The following FAM184A variants were observed in gnomAD, a reference collection of about 807,000 sequenced individuals.
FAM184A encodes the protein family with sequence similarity 184 member A.
FAM184A carries 99 observed loss-of-function variants against 143.8 expected under a neutral mutation model. The ratio of observed to expected loss-of-function variants is 0.69; its 90% CI spans 0.58 to 0.81. The LOEUF (loss-of-function observed/expected upper bound fraction) is 0.81. FAM184A is among the 40% of genes least tolerant of loss of function. The pLI, the probability that FAM184A is intolerant of heterozygous loss-of-function variation, is 0.00. For missense variants in FAM184A, 1,217 were observed against 1,310.5 expected (o/e 0.93, Z 1.10); for synonymous variants, 427 against 446.4 (o/e 0.96, Z 0.55).
At chr6:118,979,182 T>C (rs1783942544) in intron 11 of FAM184A, among the ~76,000 whole-genome samples, 183 bp downstream of exon 11, 1 of 152,184 alleles carries the variant, frequency 6.6e-6, no homozygotes. Flanking sequence ...CTGAGGGGAA[T>C]TCACTTTACT....
Position 119,050,704 on chromosome 6 carries a change from T to C in FAM184A, c.160-25891A>G, listed in dbSNP as rs1265058901. 3.3e-5 allele frequency among the ~76,000 whole-genome samples: 5 copies of C among 151,486 alleles called. No individual in the cohort carries two copies. The East Asian group carries it at 5.8e-4, about 18-fold the overall frequency. ...GCTGTAGTCCCAGCTACTCGGGAGG[T>C]TGAGGCAGGAGAATGGCGTGAACCC... On this transcript the variant is annotated intron_variant, in intron 1 of 17. Transcript: ENST00000338891.
intron 16 of FAM184A, 31 bp from the exon 17 acceptor site, chr6:118,961,994 T>G: frequency 6.3e-7 from 1 of 1,582,520 alleles, no homozygotes; most frequent in Non-Finnish European, 8.7e-7. Flanking sequence ...GTGAGGATAG[T>G]CCCTGCATGA....
At chr6:119,005,913 A>C (rs373922976) in intron 7 of FAM184A, 1 of 539,362 alleles carries the variant, frequency 1.9e-6, no homozygotes, top group East Asian at 2.8e-5. Flanking sequence ...TCTACCTCTT[A>C]CTAGTAAAAG....
At chr6:119,126,098 G>A (rs1418143772) in intron 1 of FAM184A, among the ~76,000 whole-genome samples, 3 of 152,164 alleles carry the variant, frequency 2.0e-5, no homozygotes. Context: ...GAGGCTTGGG[G>A]TCATCCAAAG....
At chr6:119,093,730 A>G (rs1263681879) in intron 1 of FAM184A, among the ~76,000 whole-genome samples, 2 of 152,148 alleles carry the variant, frequency 1.3e-5, no homozygotes, top group Non-Finnish European at 2.9e-5. Flanking sequence ...AGCAAGAGGC[A>G]GGAGACTGGT....
chr6:118,964,802 A>G lies in FAM184A; in HGVS notation c.3034-31T>C, dbSNP rs542078881. 3.5e-6 allele frequency: 4 copies of G among 1,154,874 alleles called. No individual in the cohort carries two copies. In the South Asian group the frequency reaches 5.4e-5, roughly 15 times the overall value. 71.5% of individuals were successfully genotyped at this position (1,154,874 alleles called of 1,614,324 possible). On this transcript the variant is annotated intron_variant, in intron 15 of 17. Coordinates refer to ENST00000338891, the MANE Select transcript of FAM184A (RefSeq NM_024581.6). ...CAAAAGAATTATAAACATCTTTTAAATATTTTCTATGGAATATTTTAAAAA... is the reference window on the plus strand; with the variant it reads ...CAAAAGAATTATAAACATCTTTTAAGTATTTTCTATGGAATATTTTAAAAA...
At chr6:119,010,242 T>G (rs189454424) in intron 6 of FAM184A, among the ~76,000 whole-genome samples, 45 of 152,326 alleles carry the variant, frequency 3.0e-4, no homozygotes, top group African/African-American at 1.1e-3. Flanking sequence ...TTAGGTTAAA[T>G]ACACAAAAAA....
chr6:119,134,796 C>T (rs1030690374), intron 1 of FAM184A, among the ~76,000 whole-genome samples: 1 of 152,142 alleles, frequency 6.6e-6, no homozygotes, highest in Non-Finnish European at 1.5e-5. Flanking sequence ...GTCCTCCATC[C>T]TCTTGACATC....
rs1258721004 is a variant in FAM184A, at chr6:119,005,830, G to A, written c.1815+617C>T. ...TAAATCTTTGCTGTGCTTCATAAGA[G>A]TGGAAGAAAAAAGGCAGAGTCTTTC... On this transcript the variant is annotated intron_variant, in intron 7 of 17. Coordinates refer to ENST00000338891, the MANE Select transcript of FAM184A (RefSeq NM_024581.6). 5 of 428,550 alleles carry A rather than the reference G, an allele frequency of 1.2e-5. No individual in the cohort carries two copies. In the South Asian group the frequency reaches 1.8e-4, roughly 15 times the overall value. 26.5% of individuals were successfully genotyped at this position (428,550 alleles called of 1,614,324 possible).
rs35616401 is a variant in FAM184A at position 119,011,741 on chromosome 6, CT to C, written c.1531-311del. Among the ~76,000 whole-genome samples, 37 of 152,092 alleles carry C rather than the reference CT, an allele frequency of 2.4e-4. 1 individual carries two copies. In the East Asian group the frequency reaches 2.5e-3, roughly 10 times the overall value. On this transcript the variant is annotated intron_variant, in intron 5 of 17. Coordinates refer to ENST00000338891, the MANE Select transcript of FAM184A (RefSeq NM_024581.6). ...CTAATTACCTCTTGAATTCAAAATT[CT>C]TTTTTTCCCTCAAATTCTTTTATGT...
At chr6:119,110,902 G>T (rs994423877) in intron 1 of FAM184A, among the ~76,000 whole-genome samples, 4 of 152,138 alleles carry the variant, frequency 2.6e-5, no homozygotes, top group Non-Finnish European at 5.9e-5. Flanking sequence ...CCAGACATTG[G>T]GTCTAGTTCA....
chr6:118,962,634 TA>T (rs1783371299), intron 16 of FAM184A: 1 of 152,200 alleles, frequency 6.6e-6, no homozygotes, highest in African/African-American at 2.4e-5. Flanking sequence ...AATTGGCTCA[TA>T]TTTTTTAAAC....
At chr6:119,076,382 G>A (rs565964530) in intron 1 of FAM184A, among the ~76,000 whole-genome samples, 3 of 152,268 alleles carry the variant, frequency 2.0e-5, no homozygotes, top group East Asian at 1.9e-4. Flanking sequence ...GCATTCAAGC[G>A]GTGTTGAGAG....
chr6:118,986,464 A>T (rs1784199919), intron 9 of FAM184A, among the ~76,000 whole-genome samples: 1 of 152,218 alleles, frequency 6.6e-6, no homozygotes, highest in African/African-American at 2.4e-5. Context: ...CCATGTACAG[A>T]GGGAGTGGGC....
At chr6:119,021,527 T>C (rs1785448438) in intron 3 of FAM184A, among the ~76,000 whole-genome samples, 1 of 152,176 alleles carries the variant, frequency 6.6e-6, no homozygotes. Context: ...TGAGACCTCA[T>C]CTTTAAAAAA....
At chr6:119,034,039 T>TAGAGAGAGAG (rs1429011983) in intron 1 of FAM184A, among the ~76,000 whole-genome samples, 4 of 30,276 alleles carry the variant, frequency 1.3e-4, no homozygotes, top group African/African-American at 4.6e-4. Context: ...TATATATATA[T>TAGAGAGAGAG]ATAGAGAGAG....
intron 1 of FAM184A, among the ~76,000 whole-genome samples, chr6:119,026,689 G>A (rs752028977): frequency 4.6e-5 from 7 of 151,982 alleles, no homozygotes; most frequent in Non-Finnish European, 8.8e-5. Flanking sequence ...TCATAAGACT[G>A]ACAAAACAGA....
chr6:118,976,177 TAAACTATGA>T lies in FAM184A; in HGVS notation c.2456-142_2456-134del, dbSNP rs2114570727. The T allele has an allele frequency of 3.7e-6, 3 of 804,686 alleles. No individual in the cohort carries two copies. In the African/African-American group the frequency reaches 5.3e-5, roughly 14 times the overall value. 49.8% of individuals were successfully genotyped at this position (804,686 alleles called of 1,614,324 possible). A position where few individuals can be genotyped will look rare whatever the true frequency, so the allele number is the denominator to read the frequency against. ...GTATGTCCATTAAATTAATAGATTA[TAAACTATGA>T]CAAATTTAAATATTACAGACTACAA... On this transcript the variant is annotated intron_variant, in intron 11 of 17. Transcript: ENST00000338891.
intron 1 of FAM184A, among the ~76,000 whole-genome samples, chr6:119,145,663 C>T (rs1772401652): frequency 6.6e-6 from 1 of 152,230 alleles, no homozygotes; most frequent in African/African-American, 2.4e-5. Context: ...ATTTCAACCA[C>T]ATTCCTCTCC....
Sources: gnomAD v4.1 joint callset for allele counts (sites outside exome capture counted in the v4.1 genomes callset) on GRCh38, gnomAD v4.1.1 for gene constraint, MANE v1.5 for transcripts, NCBI Gene and HGNC (gene_info 2026-07-23, HGNC 2026-07-21) for gene names.